RUVBL1: variants seen among roughly 807,000 people sequenced by gnomAD.
RUVBL1 encodes ruvB-like 1.
RUVBL1 carries 4 observed loss-of-function variants against 52.4 expected under a neutral mutation model. The observed-to-expected ratio is 0.08, with a 90% CI of 0.04 to 0.17. The LOEUF (loss-of-function observed/expected upper bound fraction) is 0.17, where lower values mean the gene tolerates loss of function less well. RUVBL1 is among the 10% of genes least tolerant of loss of function. The pLI is 1.00. For missense variants in RUVBL1, 298 were observed against 572.8 expected, an observed-to-expected ratio of 0.52 and a Z score of 4.90; for synonymous variants, 217 against 214.4, an observed-to-expected ratio of 1.01 and a Z score of -0.10.
intron 1 of RUVBL1, among the ~76,000 whole-genome samples, chr3:128,129,329 C>T (rs181037267): frequency 2.2e-4 from 34 of 152,134 alleles, no homozygotes; most frequent in African/African-American, 8.0e-4. Context: ...AAGAAGAAAT[C>T]ATAAGGGAAA....
chr3:128,104,712 T>C, intron 4 of RUVBL1, 61 bp downstream of exon 4: 1 of 1,472,478 alleles, frequency 6.8e-7, no homozygotes, highest in South Asian at 1.3e-5. Flanking sequence ...TTACACCACC[T>C]GCCCAAAGCC....
intron 1 of RUVBL1, among the ~76,000 whole-genome samples, chr3:128,130,945 C>T (rs1027213549): frequency 3.3e-5 from 5 of 152,004 alleles, no homozygotes; most frequent in South Asian, 2.1e-4. Context: ...CCACCCTGCC[C>T]GGCCTTTATT....
At chr3:128,101,288 C>T (rs1943102548) in intron 5 of RUVBL1, among the ~76,000 whole-genome samples, 1 of 152,236 alleles carries the variant, frequency 6.6e-6, no homozygotes, top group South Asian at 2.1e-4. Context: ...GTTTTGGTTT[C>T]TCACCCTGTC....
chr3:128,076,559 C>T (rs146521582), downstream of RUVBL1, among the ~76,000 whole-genome samples: 310 of 152,268 alleles, frequency 2.0e-3, 2 homozygotes, highest in African/African-American at 6.7e-3. This position sits in a 1 kb window ranked among gnomAD's most constrained non-coding sequence, Gnocchi z 6.8. Flanking sequence ...ACCGAAGAGG[C>T]TGGTGGACCT....
chr3:128,151,590 A>T (rs903634948), intron 1 of RUVBL1, among the ~76,000 whole-genome samples: 2 of 152,022 alleles, frequency 1.3e-5, no homozygotes, highest in African/African-American at 4.8e-5. Flanking sequence ...GTATTTTTAC[A>T]GTTTCCTATT....
chr3:128,124,795 G>A (rs1943756565), upstream of RUVBL1, among the ~76,000 whole-genome samples: 1 of 152,132 alleles, frequency 6.6e-6, no homozygotes, highest in South Asian at 2.1e-4. Flanking sequence ...AGCCAGGGAA[G>A]GCATCATGAA....
chr3:128,097,451 G>T lies in RUVBL1; in HGVS notation c.865C>A (p.Gln289Lys). The change falls in exon 8 of 11, where the codon CAG becomes AAG. Residue 289 changes from glutamine (Q) to lysine (K), a missense_variant. Gln to Lys is a moderately conservative substitution (Grantham distance 53). Around this residue, in one of 5 missense-constraint regions of RUVBL1, gnomAD observed 161 missense variants for 298.3 expected, o/e 0.54. Coordinates refer to ENST00000322623, the MANE Select transcript of RUVBL1 (RefSeq NM_003707.3). ...INKVVNKYID[Q>K]GIAELVPGVL... is the part of the protein sequence containing the mutation. Reference sequence around the variant, plus strand: ...CCCGGGACCAGCTCAGCAATGCCCTGGTCGATGTACTTGTTCACCACCTTA... The same window carrying T: ...CCCGGGACCAGCTCAGCAATGCCCTTGTCGATGTACTTGTTCACCACCTTA... 6.2e-7 allele frequency: 1 copy of T among 1,614,180 alleles called. No individual in the cohort carries two copies. The highest frequency in any genetic ancestry group is 2.2e-5 in the East Asian group (1 of 44,886).
chr3:128,113,954 C>T (rs952942642), intron 2 of RUVBL1, among the ~76,000 whole-genome samples: 2 of 152,166 alleles, frequency 1.3e-5, no homozygotes, highest in African/African-American at 2.4e-5. Context: ...AAGAAGGATA[C>T]CTCAAGTAGG....
At chr3:128,122,781 T>C (rs956160155) in intron 1 of RUVBL1, among the ~76,000 whole-genome samples, 3 of 152,226 alleles carry the variant, frequency 2.0e-5, no homozygotes, top group Non-Finnish European at 1.5e-5. Flanking sequence ...CATAGAGCAC[T>C]GATTTGGGAG....
intron 1 of RUVBL1, among the ~76,000 whole-genome samples, chr3:128,149,309 C>T (rs1267742532): frequency 2.6e-5 from 4 of 151,768 alleles, no homozygotes; most frequent in African/African-American, 4.8e-5. Context: ...CTCAGCCTCC[C>T]GAGCAGTTGG....
At chr3:128,074,342 C>T (rs1342659477) in intron 9 of RUVBL1, among the ~76,000 whole-genome samples, 2 of 149,780 alleles carry the variant, frequency 1.3e-5, no homozygotes, top group East Asian at 3.9e-4. Context: ...ATGCCATTTA[C>T]ATGAAATTCT....
intron 9 of RUVBL1, chr3:128,066,801 G>A (rs778138705): frequency 1.5e-6 from 1 of 669,138 alleles, no homozygotes; most frequent in Non-Finnish European, 2.6e-6. Flanking sequence ...TGGGTAAGGA[G>A]TGGGCACAAG....
rs1326166797 is a variant in RUVBL1 at position 128,082,461 on chromosome 3, C to T, written c.1211+22G>A. On this transcript the variant is annotated intron_variant, in intron 10 of 10. Transcript: ENST00000322623. This position sits in a 1 kb window ranked among gnomAD's most constrained non-coding sequence, Gnocchi z 4.7. ...CCTGGCTGTGCTGGGGAGGCCCCGGCGGGCCCAGGGTACCAGCTCACCTCA... is the reference window on the plus strand; with the variant it reads ...CCTGGCTGTGCTGGGGAGGCCCCGGTGGGCCCAGGGTACCAGCTCACCTCA... 5.0e-6 allele frequency: 8 copies of T among 1,598,544 alleles called. No homozygotes were observed. The Admixed American group carries it at 8.3e-5, about 17-fold the overall frequency.
intron 2 of RUVBL1, among the ~76,000 whole-genome samples, chr3:128,113,805 G>A (rs781490788): frequency 6.6e-6 from 1 of 152,004 alleles, no homozygotes; most frequent in African/African-American, 2.4e-5. Context: ...TAATTGCTCC[G>A]AATACACCAC....
intron 9 of RUVBL1, among the ~76,000 whole-genome samples, chr3:128,072,544 T>C (rs1942195495): frequency 6.6e-6 from 1 of 152,178 alleles, no homozygotes; most frequent in African/African-American, 2.4e-5. Context: ...CACTGTGTTT[T>C]GAGACTGCTA....
chr3:128,135,109 T>C (rs1943931149), intron 1 of RUVBL1, among the ~76,000 whole-genome samples: 2 of 152,092 alleles, frequency 1.3e-5, no homozygotes, highest in Non-Finnish European at 2.9e-5. Flanking sequence ...AGGTCAAGAA[T>C]AAGGAAAGAC....
chr3:128,099,828 T>G (rs1289820927), intron 6 of RUVBL1, among the ~76,000 whole-genome samples: 2 of 151,980 alleles, frequency 1.3e-5, no homozygotes, highest in African/African-American at 2.4e-5. Context: ...AGACCCAAAG[T>G]GACAAATTAA....
chr3:128,146,340 G>C (rs746724653), intron 1 of RUVBL1, among the ~76,000 whole-genome samples: 1 of 152,062 alleles, frequency 6.6e-6, no homozygotes, highest in Non-Finnish European at 1.5e-5. Context: ...GCATGTGTGC[G>C]TGTGTCTCTG....
intron 3 of RUVBL1, among the ~76,000 whole-genome samples, chr3:128,108,279 G>A (rs1041766875): frequency 4.6e-5 from 7 of 152,112 alleles, no homozygotes; most frequent in Non-Finnish European, 8.8e-5. Context: ...ATAGTCAATG[G>A]CCTGCCTTTT....
Sources: gnomAD v4.1 joint callset for allele counts (sites outside exome capture counted in the v4.1 genomes callset) on GRCh38, gnomAD v4.1.1 for gene constraint, gnomAD v4.1.1 regional missense constraint, Gnocchi (gnomAD v3.1) non-coding constraint, MANE v1.5 for transcripts, NCBI Gene and HGNC (gene_info 2026-07-23, HGNC 2026-07-21) for gene names.